The following MAN2A1 variants were observed in gnomAD, a reference collection of about 807,000 sequenced individuals.
MAN2A1 encodes mannosidase alpha class 2A member 1, also known as alpha-mannosidase 2.
MAN2A1 carries 76 observed loss-of-function variants against 142.6 expected under a neutral mutation model. That is an observed-to-expected ratio of 0.53 (90% CI 0.44 to 0.65). MAN2A1 has a LOEUF of 0.65. Among genes scored for constraint, MAN2A1 ranks in the 30% least tolerant of loss-of-function variants. The probability of loss-of-function intolerance (pLI) is 0.00; values close to 1 mark genes in which losing one functional copy is unlikely to be tolerated. For synonymous variants in MAN2A1, 559 were observed against 473.2 expected (o/e 1.18, Z -2.35); for missense variants, 1,311 against 1,365.1 (o/e 0.96, Z 0.62).
chr5:109,757,476 T>TC (rs1752719331), intron 5 of MAN2A1, among the ~76,000 whole-genome samples: 1 of 152,188 alleles, frequency 6.6e-6, no homozygotes, highest in African/African-American at 2.4e-5. Flanking sequence ...TCTGTCATTG[T>TC]CCATGAGTTT....
intron 4 of MAN2A1, among the ~76,000 whole-genome samples, chr5:109,746,206 C>G (rs1297075602): frequency 2.0e-5 from 3 of 152,178 alleles, no homozygotes; most frequent in South Asian, 4.1e-4. Context: ...AACTCCTGAC[C>G]TCAAGTGATC....
intron 7 of MAN2A1, among the ~76,000 whole-genome samples, chr5:109,770,807 T>C (rs1471994748): frequency 6.6e-6 from 1 of 152,168 alleles, no homozygotes; most frequent in East Asian, 1.9e-4. Context: ...TCCTTTGCCC[T>C]CATTATAAAA....
At chr5:109,781,374 A>C in intron 8 of MAN2A1, 22 bp from the exon 9 acceptor site, 1 of 1,411,412 alleles carries the variant, frequency 7.1e-7, no homozygotes, top group Non-Finnish European at 9.8e-7. Context: ...TGAATAATTG[A>C]AGTGCATTTT....
chr5:109,825,999 C>T (rs550131585), intron 16 of MAN2A1, among the ~76,000 whole-genome samples: 1 of 145,130 alleles, frequency 6.9e-6, no homozygotes, highest in East Asian at 2.2e-4. Flanking sequence ...CTCTGCCCCA[C>T]TGGTTCAAGG....
intron 4 of MAN2A1, among the ~76,000 whole-genome samples, chr5:109,752,941 T>A (rs1010413298): frequency 1.3e-5 from 2 of 152,214 alleles, no homozygotes; most frequent in Non-Finnish European, 2.9e-5. Flanking sequence ...AGACCATTGA[T>A]GCCTGTGGGA....
chr5:109,794,729 A>C (rs1561515734), intron 12 of MAN2A1, among the ~76,000 whole-genome samples: 1 of 152,088 alleles, frequency 6.6e-6, no homozygotes. Context: ...GTATCTAGGC[A>C]TTAATAGTAC....
intron 16 of MAN2A1, among the ~76,000 whole-genome samples, chr5:109,839,465 A>G (rs1755142799): frequency 6.6e-6 from 1 of 151,582 alleles, no homozygotes; most frequent in South Asian, 2.1e-4. Flanking sequence ...GGAAATGTAC[A>G]TGTGTAGGTA....
chr5:109,690,760 TGCG>T (rs888676063), intron 1 of MAN2A1, among the ~76,000 whole-genome samples: 2 of 151,974 alleles, frequency 1.3e-5, no homozygotes, highest in African/African-American at 2.4e-5. Context: ...CTGGGCGGCG[TGCG>T]GCGGCGGCGG....
chr5:109,796,073 A>G (rs1024860200), intron 12 of MAN2A1, among the ~76,000 whole-genome samples: 2 of 152,202 alleles, frequency 1.3e-5, no homozygotes, highest in African/African-American at 4.8e-5. Flanking sequence ...ACGCTGTTGA[A>G]TTACATAAAA....
chr5:109,791,004 T>C (rs1582900543), intron 12 of MAN2A1, among the ~76,000 whole-genome samples: 1 of 152,106 alleles, frequency 6.6e-6, no homozygotes, highest in Admixed American at 6.6e-5. Context: ...GGAAATGTAG[T>C]ATATTAATGA....
At chr5:109,805,668 A>G (rs1272568904) in intron 12 of MAN2A1, among the ~76,000 whole-genome samples, 1 of 152,092 alleles carries the variant, frequency 6.6e-6, no homozygotes, top group Non-Finnish European at 1.5e-5. Flanking sequence ...TATTTTTGGA[A>G]CTTCAGTTTC....
At chr5:109,699,233 C>T (rs1235382396) in intron 1 of MAN2A1, among the ~76,000 whole-genome samples, 4 of 152,160 alleles carry the variant, frequency 2.6e-5, no homozygotes, top group African/African-American at 9.7e-5. Context: ...ATTTCTCACC[C>T]TCCCTCAGCC....
intron 3 of MAN2A1, among the ~76,000 whole-genome samples, chr5:109,723,427 T>A (rs1004223383): frequency 6.6e-6 from 1 of 152,206 alleles, no homozygotes; most frequent in Non-Finnish European, 1.5e-5. Context: ...ACTGTCTTCT[T>A]ACCCTCTCTT....
At chr5:109,828,541 A>T (rs2112738013) in intron 16 of MAN2A1, among the ~76,000 whole-genome samples, 1 of 152,316 alleles carries the variant, frequency 6.6e-6, no homozygotes, top group Non-Finnish European at 1.5e-5. Flanking sequence ...TTAGTGTCCT[A>T]GTTTCTGATA....
At chr5:109,741,437 C>G (rs11744587) in intron 4 of MAN2A1, among the ~76,000 whole-genome samples, 7,681 of 152,188 alleles carry the variant, frequency 0.05, 208 homozygotes, top group South Asian at 0.098. Context: ...TATTTAAATT[C>G]TGAGCTTGTA....
At position 109,775,946 on chromosome 5, in the gene MAN2A1, A is replaced by T. The variant is rs1392136131; in HGVS notation, c.1374+981A>T. 3.9e-5 allele frequency among the ~76,000 whole-genome samples: 6 copies of T among 152,114 alleles called. No homozygotes were observed. The East Asian group carries it at 9.6e-4, about 24-fold the overall frequency. ...TATTGATACATAATTATATATATTT[A>T]TGGGACACCTATGAATTTTGATACA... On this transcript the variant is annotated intron_variant, in intron 8 of 21. Coordinates refer to ENST00000261483, the MANE Select transcript of MAN2A1 (RefSeq NM_002372.4).
At chr5:109,799,122 A>T (rs1469838044) in intron 12 of MAN2A1, among the ~76,000 whole-genome samples, 1 of 152,124 alleles carries the variant, frequency 6.6e-6, no homozygotes, top group Non-Finnish European at 1.5e-5. Context: ...TGCCTCACAC[A>T]TTTGTTGGCG....
At position 109,867,341 on chromosome 5, in the gene MAN2A1, G is replaced by A. The variant is rs4957836; in HGVS notation, c.*343G>A. 0.38 allele frequency: 61,022 copies of A among 162,268 alleles called. 12,130 individuals carry two copies. Among genetic ancestry groups the A allele is most frequent in the African/African-American group, 0.52 (21,839 of 41,888 alleles). 10.1% of individuals were successfully genotyped at this position (162,268 alleles called of 1,614,324 possible). ...TAATTATGTCTGTGTTGGGGGTTGC[G>A]AAGAGATTCTTAAAAGTATCTGTGT... On this transcript the variant is annotated 3_prime_UTR_variant, in exon 22 of 22. Coordinates refer to ENST00000261483, the MANE Select transcript of MAN2A1 (RefSeq NM_002372.4).
chr5:109,717,013 A>G (rs1412632921), intron 3 of MAN2A1, among the ~76,000 whole-genome samples: 1 of 151,858 alleles, frequency 6.6e-6, no homozygotes, highest in Non-Finnish European at 1.5e-5. Context: ...AGGATTTGAT[A>G]TACATATTTG....
Sources: allele counts gnomAD v4.1 joint callset (sites outside exome capture counted in the v4.1 genomes callset), GRCh38; gene constraint gnomAD v4.1.1; transcripts MANE v1.5; gene names NCBI Gene and HGNC (gene_info 2026-07-23, HGNC 2026-07-21).